The following OR9Q1 variants were observed in gnomAD, a reference collection of about 807,000 sequenced individuals.
OR9Q1 encodes the protein olfactory receptor family 9 subfamily Q member 1.
For missense variants in OR9Q1, 374 were observed against 378.8 expected (o/e 0.99, Z 0.11); for synonymous variants, 153 against 148.6 (o/e 1.03, Z -0.22).
intron 2 of OR9Q1, among the ~76,000 whole-genome samples, chr11:58,105,664 A>G (rs561040304): frequency 6.6e-6 from 1 of 152,174 alleles, no homozygotes; most frequent in Non-Finnish European, 1.5e-5. Flanking sequence ...GGCAACCACT[A>G]TTGTATTTTC....
rs149276179 is a variant in OR9Q1 at position 58,087,016 on chromosome 11, A to G, written c.-15+31069A>G. Among the ~76,000 whole-genome samples, 102 of 151,912 alleles carry G rather than the reference A, an allele frequency of 6.7e-4. 1 individual carries two copies. In the East Asian group the frequency reaches 0.017, roughly 25 times the overall value. On this transcript the variant is annotated intron_variant, in intron 2 of 2. Transcript: ENST00000335397. ...ATAGATTTTAAATTTCACCACAAAGATGAAAAATATGTGAGGGAATGAATT... is the reference window on the plus strand; with the variant it reads ...ATAGATTTTAAATTTCACCACAAAGGTGAAAAATATGTGAGGGAATGAATT...
At chr11:58,092,475 A>G (rs994645124) in intron 2 of OR9Q1, among the ~76,000 whole-genome samples, 2 of 152,076 alleles carry the variant, frequency 1.3e-5, no homozygotes, top group Admixed American at 6.6e-5. Flanking sequence ...AAATTTAGAT[A>G]TGAAAAAATG....
chr11:58,163,388 G>A (rs149280009), intron 2 of OR9Q1, among the ~76,000 whole-genome samples: 6 of 152,298 alleles, frequency 3.9e-5, no homozygotes, highest in African/African-American at 1.4e-4. Context: ...GTCCCCACCT[G>A]TCCCCTTCCT....
At chr11:58,042,963 G>A (rs1483401349) in intron 1 of OR9Q1, among the ~76,000 whole-genome samples, 1 of 152,168 alleles carries the variant, frequency 6.6e-6, no homozygotes, top group African/African-American at 2.4e-5. Flanking sequence ...TTATTGGTGT[G>A]TGAGAATGCT....
chr11:58,108,495 G>A (rs535916362), intron 2 of OR9Q1, among the ~76,000 whole-genome samples: 1 of 152,244 alleles, frequency 6.6e-6, no homozygotes, highest in African/African-American at 2.4e-5. Context: ...GGAGGGCTAA[G>A]GAGAGAGCGG....
At chr11:58,109,068 G>T in intron 2 of OR9Q1, 1 of 472,214 alleles carries the variant, frequency 2.1e-6, no homozygotes, top group South Asian at 1.5e-5. Flanking sequence ...AAAGGAGAAT[G>T]ACAATCTCAG....
At chr11:58,094,237 T>A (rs1459153964) in intron 2 of OR9Q1, among the ~76,000 whole-genome samples, 1 of 152,088 alleles carries the variant, frequency 6.6e-6, no homozygotes, top group Non-Finnish European at 1.5e-5. Context: ...GGGAGATAAA[T>A]AATGTGTACA....
chr11:58,033,868 C>T (rs2119920140), intron 1 of OR9Q1, among the ~76,000 whole-genome samples: 1 of 152,206 alleles, frequency 6.6e-6, no homozygotes, highest in South Asian at 2.1e-4. Context: ...AATGCTAAGT[C>T]TCTATAACAA....
intron 2 of OR9Q1, among the ~76,000 whole-genome samples, chr11:58,065,004 A>C (rs1853414722): frequency 6.6e-6 from 1 of 152,122 alleles, no homozygotes; most frequent in South Asian, 2.1e-4. Context: ...ACACAGAGTG[A>C]CAGGTGGGCA....
In OR9Q1 at chr11:58,165,525, T is replaced by A. The variant is rs142407514; in HGVS notation, c.-14-13906T>A. ...CTAATTGTTTGCTCCTGCAGTACCC[T>A]CTCTGCTGTTTTTTGGAAGCGCACA... On this transcript the variant is annotated intron_variant, in intron 2 of 2. Transcript: ENST00000335397. 9.5e-4 allele frequency among the ~76,000 whole-genome samples: 145 copies of A among 152,294 alleles called. 5 individuals are homozygous for A. In the East Asian group the frequency reaches 0.027, roughly 29 times the overall value.
At chr11:58,107,138 G>A (rs1436940620) in intron 2 of OR9Q1, among the ~76,000 whole-genome samples, 5 of 150,698 alleles carry the variant, frequency 3.3e-5, no homozygotes, top group East Asian at 2.0e-4. Context: ...TATACTTTAC[G>A]TTCTAGGGTA....
intron 2 of OR9Q1, among the ~76,000 whole-genome samples, chr11:58,150,452 G>A (rs1208457641): frequency 6.6e-6 from 1 of 152,076 alleles, no homozygotes; most frequent in Non-Finnish European, 1.5e-5. Context: ...AAATAAATTG[G>A]GTTGTTTGTT....
chr11:58,164,382 C>A (rs2218867), intron 2 of OR9Q1, among the ~76,000 whole-genome samples: 64,412 of 151,584 alleles, frequency 0.42, 13,944 homozygotes, highest in African/African-American at 0.47. Context: ...ATGGGGCAGG[C>A]GGTGGGAATG....
chr11:58,091,566 ATGTGGTCAATTTTTGAATATGTGCAATG>A, intron 2 of OR9Q1, among the ~76,000 whole-genome samples: 1 of 152,134 alleles, frequency 6.6e-6, no homozygotes, highest in South Asian at 2.1e-4. Context: ...ACTTCTAATT[ATGTGGTCAATTTTTGAATATGTGCAATG>A]TGATGCTGAG....
chr11:58,160,977 A>G (rs1590621905), intron 2 of OR9Q1, among the ~76,000 whole-genome samples: 1 of 152,078 alleles, frequency 6.6e-6, no homozygotes, highest in Middle Eastern at 3.4e-3. Context: ...GAGAGTTAAG[A>G]GTTCTAATTG....
rs1854644970 is a variant in OR9Q1, at chr11:58,179,875, T to C, written c.431T>C (p.Leu144Pro). ...TILTQQARLS[L>P]VAGAYVAGLI... is the part of the protein sequence containing the mutation. ...CTGACACAGCAGGCCCGCTTGAGTC[T>C]TGTGGCTGGGGCTTACGTTGCTGGT... is the stretch of plus-strand genomic sequence containing the variant. Residue 144 changes from leucine (L) to proline (P), a missense_variant, in exon 3 of 3, where the codon CTT (leucine) becomes CCT (proline). Coordinates refer to ENST00000335397, the MANE Select transcript of OR9Q1 (RefSeq NM_001005212.4). 2 of 1,614,088 alleles carry C rather than the reference T, an allele frequency of 1.2e-6. No individual in the cohort carries two copies. The highest frequency in any genetic ancestry group is 1.7e-6 in the Non-Finnish European group (2 of 1,180,036).
chr11:58,126,230 A>G (rs1854089206), intron 2 of OR9Q1, among the ~76,000 whole-genome samples: 1 of 152,152 alleles, frequency 6.6e-6, no homozygotes, highest in African/African-American at 2.4e-5. Context: ...TTAGAACCAC[A>G]TAATTTGGCA....
intron 2 of OR9Q1, among the ~76,000 whole-genome samples, chr11:58,147,543 A>G (rs1590615439): frequency 6.6e-6 from 1 of 152,010 alleles, no homozygotes; most frequent in Non-Finnish European, 1.5e-5. Context: ...AAAACCTCAT[A>G]CCCCTCCCAG....
chr11:58,112,972 T>A (rs925335890), intron 2 of OR9Q1, among the ~76,000 whole-genome samples: 1 of 152,048 alleles, frequency 6.6e-6, no homozygotes, highest in African/African-American at 2.4e-5. Flanking sequence ...ACCCAGGACT[T>A]ATGGACACAC....
Sources: allele counts gnomAD v4.1 joint callset (sites outside exome capture counted in the v4.1 genomes callset), GRCh38; gene constraint gnomAD v4.1.1; transcripts MANE v1.5; gene names NCBI Gene and HGNC (gene_info 2026-07-23, HGNC 2026-07-21).